Variants in ZNF521 observed in about 807,000 individuals in gnomAD.
The protein encoded by ZNF521 is LYST-interacting protein 3.
A neutral mutation model predicts 105.5 loss-of-function variants in ZNF521; 14 were observed. The ratio of observed to expected loss-of-function variants is 0.13; its 90% CI spans 0.09 to 0.21. ZNF521 has a LOEUF of 0.21. Among genes scored for constraint, ZNF521 ranks in the 10% least tolerant of loss-of-function variants. The probability of loss-of-function intolerance (pLI) is 1.00; values close to 1 mark genes in which losing one functional copy is unlikely to be tolerated. For synonymous variants in ZNF521, 635 were observed against 606.0 expected, an observed-to-expected ratio of 1.05 and a Z score of -0.70; for missense variants, 1,233 against 1,629.7, an observed-to-expected ratio of 0.76 and a Z score of 4.19.
intron 3 of ZNF521, among the ~76,000 whole-genome samples, chr18:25,297,238 A>ACG (rs1911375959): frequency 6.6e-6 from 1 of 152,102 alleles, no homozygotes; most frequent in South Asian, 2.1e-4. Context: ...CACTAGATAT[A>ACG]CGTAAAGAAA....
intron 3 of ZNF521, among the ~76,000 whole-genome samples, chr18:25,304,593 T>C (rs1911864602): frequency 6.6e-6 from 1 of 152,210 alleles, no homozygotes; most frequent in Non-Finnish European, 1.5e-5. Flanking sequence ...TACCAGAATT[T>C]GACCTCGGGG....
rs1290075311 is a variant in ZNF521 at position 25,226,033 on chromosome 18, G to A, written c.1885C>T (p.Arg629Cys). ...TTACAGATATATTCTCCAGTGGGAC[G>A]TGCAGGTGCACCTCCTACTGCCTGC... The part of the protein sequence containing the change: ...MMQAVGGAPA[R>C]PTGEYICNQC... The change falls in exon 4 of 8, where the codon CGT becomes TGT. Residue 629 changes from arginine (R) to cysteine (C), a missense_variant. Coordinates refer to ENST00000361524, the MANE Select transcript of ZNF521 (RefSeq NM_015461.3). This position sits in a 1 kb window ranked among gnomAD's most constrained non-coding sequence, Gnocchi z 4.1. 7.4e-6 allele frequency: 12 copies of A among 1,614,064 alleles called. No individual in the cohort carries two copies. Among genetic ancestry groups the A allele is most frequent in the South Asian group, 3.3e-5 (3 of 91,082 alleles).
rs1468824715 is a variant in ZNF521 at position 25,129,435 on chromosome 18, TTAG to T, written c.3659-37357_3659-37355del. ...GTACCGGGTGTTTGGCAATAAATTT[TTAG>T]ATAGAACACTAAAAGCATGATCCAT... On this transcript the variant is annotated intron_variant, in intron 5 of 7. Coordinates refer to ENST00000361524, the MANE Select transcript of ZNF521 (RefSeq NM_015461.3). Among the ~76,000 whole-genome samples the T allele has an allele frequency of 6.2e-4, 94 of 151,864 alleles. 1 individual carries two copies. The highest frequency in any genetic ancestry group is 3.4e-4 in the Non-Finnish European group (23 of 67,936).
chr18:25,092,199 G>T, intron 5 of ZNF521, 118 bp from the exon 6 acceptor site: 1 of 1,121,362 alleles, frequency 8.9e-7, no homozygotes, highest in Non-Finnish European at 1.2e-6. Context: ...TACATATGTA[G>T]TATTATATAT....
chr18:25,133,705 A>G (rs2034681153), intron 5 of ZNF521, among the ~76,000 whole-genome samples: 1 of 152,168 alleles, frequency 6.6e-6, no homozygotes. Flanking sequence ...ATTATCATCA[A>G]TTTATTTTAA....
chr18:25,304,261 G>C (rs564119891), intron 3 of ZNF521, among the ~76,000 whole-genome samples: 1 of 152,254 alleles, frequency 6.6e-6, no homozygotes, highest in East Asian at 1.9e-4. Context: ...TATTTCTGTT[G>C]AATTAAGAGA....
intron 3 of ZNF521, chr18:25,315,737 C>G (rs750622728): frequency 6.6e-6 from 1 of 152,104 alleles, no homozygotes; most frequent in African/African-American, 2.4e-5. Context: ...ACTTTTGATA[C>G]GGAGTGAATA....
At chr18:25,264,419 AT>A (rs1160184296) in intron 3 of ZNF521, among the ~76,000 whole-genome samples, 2 of 152,012 alleles carry the variant, frequency 1.3e-5, no homozygotes, top group African/African-American at 4.8e-5. Context: ...TAACTACACT[AT>A]TTTTTCCCAT....
At chr18:25,274,480 G>A (rs991407975) in intron 3 of ZNF521, among the ~76,000 whole-genome samples, 2 of 152,142 alleles carry the variant, frequency 1.3e-5, no homozygotes, top group African/African-American at 4.8e-5. Context: ...AATTAGATAT[G>A]TGGTATTTAT....
intron 5 of ZNF521, among the ~76,000 whole-genome samples, chr18:25,163,400 T>C (rs1364759828): frequency 1.3e-5 from 2 of 152,166 alleles, no homozygotes; most frequent in Non-Finnish European, 2.9e-5. Flanking sequence ...GACACACTAA[T>C]TAGAATTAAG....
chr18:25,301,323 A>T (rs1384184981), intron 3 of ZNF521, among the ~76,000 whole-genome samples: 1 of 152,130 alleles, frequency 6.6e-6, no homozygotes, highest in East Asian at 1.9e-4. Flanking sequence ...GTACCCTTCC[A>T]CTCAAAAGGC....
At chr18:25,134,309 C>T (rs1353015488) in intron 5 of ZNF521, among the ~76,000 whole-genome samples, 3 of 152,074 alleles carry the variant, frequency 2.0e-5, no homozygotes, top group South Asian at 2.1e-4. Context: ...GATGTAATGG[C>T]GCTGCAGTCA....
chr18:25,079,182 A>G (rs1013866108), intron 7 of ZNF521, among the ~76,000 whole-genome samples: 2 of 152,252 alleles, frequency 1.3e-5, no homozygotes, highest in Admixed American at 1.3e-4. Context: ...ATTGGCGCTC[A>G]TGCCACTGGT....
chr18:25,341,264 CG>C (rs1347988478), intron 2 of ZNF521, among the ~76,000 whole-genome samples: 2 of 152,168 alleles, frequency 1.3e-5, no homozygotes, highest in African/African-American at 4.8e-5. Flanking sequence ...TAGTGTTCTA[CG>C]CCTGCACATT....
chr18:25,114,915 G>A (rs2034272977), intron 5 of ZNF521, among the ~76,000 whole-genome samples: 1 of 152,162 alleles, frequency 6.6e-6, no homozygotes, highest in Admixed American at 6.6e-5. Flanking sequence ...AAATGTATGT[G>A]CAACGTAGTT....
chr18:25,224,271 TG>T, intron 4 of ZNF521, 73 bp downstream of exon 4: 1 of 1,323,198 alleles, frequency 7.6e-7, no homozygotes, highest in Non-Finnish European at 1.1e-6. Flanking sequence ...AATAAAGCTG[TG>T]GAGAGTGTAA....
Position 25,086,191 on chromosome 18 carries a change from C to CTATTTTCTA in ZNF521, c.3906+3265_3906+3273dup, listed in dbSNP as rs2033619541. Among the ~76,000 whole-genome samples, 3 of 152,130 alleles carry CTATTTTCTA rather than the reference C, an allele frequency of 2.0e-5. No individual in the cohort carries two copies. The South Asian group carries it at 6.2e-4, about 31-fold the overall frequency. On this transcript the variant is annotated intron_variant, in intron 7 of 7. Transcript: ENST00000361524. ...TCTGTGGTTATTTTGGTTATAGATC[C>CTATTTTCTA]TATTTTCTATTGTCACCTGAATTTT...
chr18:25,225,664 A>T lies in ZNF521; in HGVS notation c.2254T>A (p.Tyr752Asn). The T allele has an allele frequency of 6.2e-7, 1 of 1,614,178 alleles. No individual in the cohort carries two copies. The highest frequency in any genetic ancestry group is 8.5e-7 in the Non-Finnish European group (1 of 1,180,028). ...AVKHSNEKKV[Y>N]RCTSCNWDFR... Reference sequence around the variant, plus strand: ...TCCCAGTTGCAAGATGTGCACCTATAGACTTTCTTTTCGTTACTGTGCTTC... The same window carrying T: ...TCCCAGTTGCAAGATGTGCACCTATTGACTTTCTTTTCGTTACTGTGCTTC... Residue 752 changes from tyrosine (Y) to asparagine (N), a missense_variant, in exon 4 of 8, where the codon TAT becomes AAT. This residue lies in a region of ZNF521 where 614 missense variants were observed against 751.5 expected (regional missense o/e 0.82). Coordinates refer to ENST00000361524, the MANE Select transcript of ZNF521 (RefSeq NM_015461.3). This position sits in a 1 kb window ranked among gnomAD's most constrained non-coding sequence, Gnocchi z 5.6.
At chr18:25,350,825 C>T in intron 2 of ZNF521, 82 bp downstream of exon 2, 2 of 1,479,762 alleles carry the variant, frequency 1.4e-6, no homozygotes, top group Non-Finnish European at 1.8e-6. Context: ...GCACACGCCT[C>T]GCAGCCACGC....
Sources: allele counts gnomAD v4.1 joint callset (sites outside exome capture counted in the v4.1 genomes callset), GRCh38; gene constraint gnomAD v4.1.1; regional missense constraint gnomAD v4.1.1; non-coding constraint Gnocchi (gnomAD v3.1); transcripts MANE v1.5; gene names NCBI Gene and HGNC (gene_info 2026-07-23, HGNC 2026-07-21).